Variants in TJP1 observed in about 807,000 individuals in gnomAD.
TJP1 encodes tight junction protein ZO-1.
A neutral mutation model predicts 194.2 loss-of-function variants in TJP1; 43 were observed. The observed-to-expected ratio is 0.22, with a 90% CI of 0.17 to 0.29. TJP1 has a LOEUF of 0.29. Among genes scored for constraint, TJP1 ranks in the 10% least tolerant of loss-of-function variants. TJP1 has a pLI of 1.00. For missense variants in TJP1, 1,971 were observed against 2,185.7 expected (o/e 0.90, Z 1.96); for synonymous variants, 801 against 779.0 (o/e 1.03, Z -0.47).
At position 29,822,242 on chromosome 15, in the gene TJP1, C is replaced by T. The variant is rs2050443060; in HGVS notation, c.-214G>A. The T allele has an allele frequency of 2.6e-6, 3 of 1,170,666 alleles. No individual in the cohort carries two copies. The highest frequency in any genetic ancestry group is 1.6e-5 in the African/African-American group (1 of 62,302). 72.5% of individuals were successfully genotyped at this position (1,170,666 alleles called of 1,614,324 possible). Reference sequence around the variant, plus strand: ...CCCCGCCCGGGTCTTCTCCACGGGGCGCGCCCGACCGGCACCTCCCTCCGA... The same window carrying T: ...CCCCGCCCGGGTCTTCTCCACGGGGTGCGCCCGACCGGCACCTCCCTCCGA... On this transcript the variant is annotated 5_prime_UTR_variant, in exon 1 of 28. Transcript: ENST00000614355.
In TJP1 at chr15:29,761,779, AAAAT is replaced by A; in HGVS notation, c.694-14_694-11del. The A allele has an allele frequency of 6.5e-7, 1 of 1,527,916 alleles. No individual in the cohort carries two copies. The highest frequency in any genetic ancestry group is 1.8e-5 in the Admixed American group (1 of 54,128). 94.6% of individuals were successfully genotyped at this position (1,527,916 alleles called of 1,614,324 possible). Reference sequence around the variant, plus strand: ...TCACAGTACCATTTATCTGCAACAGAAAATAAATTACAGCTTGAAAGTAAATAAT... The same window carrying A: ...TCACAGTACCATTTATCTGCAACAGAAAATTACAGCTTGAAAGTAAATAAT... On this transcript the variant is annotated splice_polypyrimidine_tract_variant and intron_variant, in intron 6 of 27. Transcript: ENST00000614355.
chr15:29,891,694 C>A (rs920358007), intron 2 of TJP1, among the ~76,000 whole-genome samples: 21 of 152,092 alleles, frequency 1.4e-4, no homozygotes, highest in Non-Finnish European at 2.8e-4. Flanking sequence ...TTTGATGTTA[C>A]CACTGTAATT....
At position 29,822,007 on chromosome 15, in the gene TJP1, C is replaced by T. The variant is rs968130233; in HGVS notation, c.22G>A (p.Ala8Thr). 10 of 1,344,996 alleles carry T rather than the reference C, an allele frequency of 7.4e-6. No homozygotes were observed. The highest frequency in any genetic ancestry group is 1.5e-5 in the African/African-American group (1 of 66,346). The allele number at this position is 1,344,996 out of a possible 1,614,324, so 83.3% of individuals were successfully genotyped here. Residue 8 changes from alanine to threonine, a missense_variant, in exon 1 of 28, where the codon GCC becomes ACC. Coordinates refer to ENST00000614355, the MANE Select transcript of TJP1 (RefSeq NM_001330239.4). Reference sequence around the variant, plus strand: ...GCGGCCGCGGAGGCGCTCACCTTGGCGGCCGCAGCTCTGGCGGACATCTTG... The same window carrying T: ...GCGGCCGCGGAGGCGCTCACCTTGGTGGCCGCAGCTCTGGCGGACATCTTG... MSARAAA[A>T]KSTAMEETAI...
chr15:29,952,580 CTA>C lies in TJP1; in HGVS notation c.306+3650_306+3651del, dbSNP rs2055790241. On this transcript the variant is annotated intron_variant, in intron 2 of 28. Transcript: ENST00000356107. ...GCAAGTGGATCTCTTGCTCCACTTG[CTA>C]TGTTTTTCTAAAAGCAATAAAAGTT... is the stretch of plus-strand genomic sequence containing the variant. Among the ~76,000 whole-genome samples, 3 of 151,932 alleles carry C rather than the reference CTA, an allele frequency of 2.0e-5. No homozygotes were observed. In the South Asian group the frequency reaches 6.2e-4, roughly 32 times the overall value.
intron 8 of TJP1, among the ~76,000 whole-genome samples, chr15:29,748,564 C>CTTTTT (rs61364565): frequency 1.2e-4 from 9 of 73,354 alleles, no homozygotes; most frequent in Middle Eastern, 8.9e-3. Context: ...CTTCCTAATT[C>CTTTTT]TTTTTTTTTT....
intron 2 of TJP1, among the ~76,000 whole-genome samples, chr15:29,932,482 C>T (rs1009129887): frequency 6.6e-6 from 1 of 151,728 alleles, no homozygotes; most frequent in African/African-American, 2.4e-5. Flanking sequence ...AACTAAATTT[C>T]AGAATAAAAG....
At chr15:29,933,860 G>A (rs1028684797) in intron 2 of TJP1, among the ~76,000 whole-genome samples, 2 of 152,092 alleles carry the variant, frequency 1.3e-5, no homozygotes, top group African/African-American at 2.4e-5. Context: ...TCTGACACAG[G>A]AGAAAAGAAC....
At position 29,733,289 on chromosome 15, in the gene TJP1, T is replaced by G; in HGVS notation, c.1541A>C (p.Asp514Ala). ...TCTAATATAGAAAGAATCTCCTACA[T>G]CTGATTCTACAATGCGACGATAAAC... ...KDVYRRIVES[D>A]VGDSFYIRTH... is the part of the protein sequence containing the mutation. Residue 514 changes from aspartate to alanine, a missense_variant, in exon 13 of 28, where the codon GAT (aspartate) becomes GCT (alanine). Physicochemically the swap from Asp to Ala is moderately radical, Grantham distance 126. Around this residue, in one of 5 missense-constraint regions of TJP1, gnomAD observed 402 missense variants for 484.2 expected, o/e 0.83. Coordinates refer to ENST00000614355, the MANE Select transcript of TJP1 (RefSeq NM_001330239.4). 6.2e-7 allele frequency: 1 copy of G among 1,612,618 alleles called. No homozygotes were observed. Among genetic ancestry groups the G allele is most frequent in the Non-Finnish European group, 8.5e-7 (1 of 1,178,944 alleles).
At chr15:29,796,003 T>C (rs1050741186) in intron 2 of TJP1, among the ~76,000 whole-genome samples, 1 of 152,002 alleles carries the variant, frequency 6.6e-6, no homozygotes, top group African/African-American at 2.4e-5. Context: ...AAAGGGAACT[T>C]CCTCAATCTA....
intron 2 of TJP1, among the ~76,000 whole-genome samples, chr15:29,933,692 ATATT>A (rs2054792458): frequency 1.3e-5 from 2 of 152,096 alleles, no homozygotes; most frequent in Non-Finnish European, 2.9e-5. Context: ...TTTTTTCAAG[ATATT>A]AGAGATCTGT....
chr15:29,788,813 G>GA (rs1230458572), intron 2 of TJP1, among the ~76,000 whole-genome samples: 1 of 152,150 alleles, frequency 6.6e-6, no homozygotes, highest in Non-Finnish European at 1.5e-5. Context: ...CAAAGAATTA[G>GA]AAAAATGTAT....
chr15:29,906,958 A>T (rs1567183547), intron 2 of TJP1, among the ~76,000 whole-genome samples: 1 of 152,192 alleles, frequency 6.6e-6, no homozygotes. Context: ...ATAAAAATAT[A>T]AACTACAGTA....
At chr15:29,885,432 G>A (rs912283540) in intron 2 of TJP1, among the ~76,000 whole-genome samples, 2 of 152,246 alleles carry the variant, frequency 1.3e-5, no homozygotes, top group African/African-American at 4.8e-5. Flanking sequence ...GGGAGGGACT[G>A]CAGGCTGCGA....
intron 2 of TJP1, among the ~76,000 whole-genome samples, chr15:29,779,215 CAA>C (rs2047202043): frequency 6.6e-6 from 1 of 152,100 alleles, no homozygotes; most frequent in Non-Finnish European, 1.5e-5. Context: ...CATGAATGCC[CAA>C]AGAGAGGTGA....
intron 8 of TJP1, among the ~76,000 whole-genome samples, chr15:29,751,180 G>A (rs984275155): frequency 6.6e-6 from 1 of 152,208 alleles, no homozygotes; most frequent in African/African-American, 2.4e-5. Context: ...AAGAGATACA[G>A]GGCTGGTACT....
rs1021981509 is a variant in TJP1, at chr15:29,747,776, T to C, written c.1011-4995A>G. 7.2e-5 allele frequency among the ~76,000 whole-genome samples: 11 copies of C among 152,324 alleles called. No homozygotes were observed. In the East Asian group the frequency reaches 2.1e-3, roughly 29 times the overall value. On this transcript the variant is annotated intron_variant, in intron 8 of 27. Coordinates refer to ENST00000614355, the MANE Select transcript of TJP1 (RefSeq NM_001330239.4). ...AAATGCTCTCCTCAATGATAAACGATAGGTCGTCATTGGCTATACATGTAG... is the reference window on the plus strand; with the variant it reads ...AAATGCTCTCCTCAATGATAAACGACAGGTCGTCATTGGCTATACATGTAG...
At chr15:29,916,016 G>A (rs909891743) in intron 2 of TJP1, among the ~76,000 whole-genome samples, 3 of 151,942 alleles carry the variant, frequency 2.0e-5, no homozygotes, top group East Asian at 3.9e-4. Context: ...AGGCCAAGGC[G>A]GGCGGATCAC....
In TJP1 at chr15:29,719,047, T is replaced by C. The variant is rs750836882; in HGVS notation, c.3095A>G (p.Asp1032Gly). The C allele has an allele frequency of 9.3e-6, 15 of 1,614,210 alleles. No homozygotes were observed. The highest frequency in any genetic ancestry group is 3.3e-4 in the Middle Eastern group (2 of 6,062). The change falls in exon 21 of 28, where the codon GAC (aspartate) becomes GGC (glycine). Residue 1032 changes from aspartate to glycine, a missense_variant. Physicochemically the swap from Asp to Gly is moderately conservative, Grantham distance 94 (BLOSUM62 -1). This residue lies in a region of TJP1 where 1,108 missense variants were observed against 1,128.5 expected (regional missense o/e 0.98). Coordinates refer to ENST00000614355, the MANE Select transcript of TJP1 (RefSeq NM_001330239.4). ...PAVSHPGHRP[D>G]KEPNLTYEPQ... ...TTCATAGGTCAGATTAGGCTCTTTG[T>C]CTGGCCTGTGCCCTGGGTGACTAAC...
At chr15:29,774,128 G>T (rs2046864517) in intron 2 of TJP1, among the ~76,000 whole-genome samples, 1 of 152,052 alleles carries the variant, frequency 6.6e-6, no homozygotes, top group African/African-American at 2.4e-5. Context: ...ATTTTCTTAA[G>T]GCTACAGAAT....
Sources: allele counts gnomAD v4.1 joint callset (sites outside exome capture counted in the v4.1 genomes callset), GRCh38; gene constraint gnomAD v4.1.1; regional missense constraint gnomAD v4.1.1; transcripts MANE v1.5; gene names NCBI Gene and HGNC (gene_info 2026-07-23, HGNC 2026-07-21).